Variants in SLC47A1 observed in about 807,000 individuals in gnomAD.
SLC47A1 encodes the protein multidrug and toxin extrusion protein 1.
A neutral mutation model predicts 65.8 loss-of-function variants in SLC47A1; 58 were observed. The ratio of observed to expected loss-of-function variants is 0.88; its 90% confidence interval spans 0.71 to 1.10. SLC47A1 has a LOEUF of 1.10. Ranked by LOEUF, SLC47A1 falls within the 50% of genes least tolerant of loss-of-function variation. SLC47A1 has a pLI of 0.00. For missense variants in SLC47A1, 706 were observed against 719.2 expected, an observed-to-expected ratio of 0.98 and a Z score of 0.21; for synonymous variants, 285 against 295.0, an observed-to-expected ratio of 0.97 and a Z score of 0.35.
chr17:19,576,351 CTTTTTT>C (rs199805601), intron 16 of SLC47A1, among the ~76,000 whole-genome samples: 1 of 123,360 alleles, frequency 8.1e-6, no homozygotes, highest in Non-Finnish European at 1.7e-5. Context: ...TTCTTCCTTC[CTTTTTT>C]TTTTTTTTTT....
chr17:19,570,132 A>C (rs1005168899), intron 14 of SLC47A1, among the ~76,000 whole-genome samples: 17 of 152,210 alleles, frequency 1.1e-4, no homozygotes, highest in African/African-American at 3.9e-4. Context: ...ACAAACAAAC[A>C]AAAGGGCAGG....
rs749061764 is a variant in SLC47A1 at position 19,555,839 on chromosome 17, C to T, written c.783C>T (p.Arg261=). 24 of 1,613,676 alleles carry T rather than the reference C, an allele frequency of 1.5e-5. No homozygotes were observed. Among genetic ancestry groups the T allele is most frequent in the East Asian group, 2.2e-5 (1 of 44,874 alleles). The change falls in exon 9 of 17, where the codon CGC becomes CGT. Residue 261 remains arginine, a synonymous_variant. Coordinates refer to ENST00000270570, the MANE Select transcript of SLC47A1 (RefSeq NM_018242.3). ...TGCAGGACTGGGCCTCCTTCCTCCG[C>T]CTGGCCATCCCCAGCATGCTCATGC... is the stretch of plus-strand genomic sequence containing the variant. ...ECLQDWASFL[R]LAIPSMLMLC...
chr17:19,566,326 A>G (rs1437550152), intron 12 of SLC47A1, among the ~76,000 whole-genome samples: 1 of 152,238 alleles, frequency 6.6e-6, no homozygotes, highest in Non-Finnish European at 1.5e-5. Flanking sequence ...GCTGTGAGAT[A>G]CAACATGCAG....
At position 19,552,987 on chromosome 17, in the gene SLC47A1, T is replaced by G. The variant is rs553645510; in HGVS notation, c.543+1519T>G. On this transcript the variant is annotated intron_variant, in intron 6 of 16. Transcript: ENST00000270570. ...AACAAATAATGGTGAAGGTCTGTGA[T>G]GAAGAGTTTGCGTTGTGGGAGCAGT... is the stretch of plus-strand genomic sequence containing the variant. 2.0e-5 allele frequency among the ~76,000 whole-genome samples: 3 copies of G among 152,148 alleles called. No homozygotes were observed. In the East Asian group the frequency reaches 5.8e-4, roughly 30 times the overall value.
Position 19,534,044 on chromosome 17 carries a change from G to T in SLC47A1, c.105G>T (p.Leu35=), listed in dbSNP as rs1305248006. The change falls in exon 1 of 17, where the codon CTG becomes CTT. Residue 35 remains leucine (L), a synonymous_variant. Coordinates refer to ENST00000270570, the MANE Select transcript of SLC47A1 (RefSeq NM_018242.3). ...CLRLSAFREE[L]RALLVLAGPA... ...GGCTGTCCGCCTTCCGAGAAGAGCTGCGGGCGCTCTTGGTCCTGGCTGGCC... is the reference window on the plus strand; with the variant it reads ...GGCTGTCCGCCTTCCGAGAAGAGCTTCGGGCGCTCTTGGTCCTGGCTGGCC... 1.9e-6 allele frequency: 3 copies of T among 1,547,890 alleles called. No individual in the cohort carries two copies. The highest frequency in any genetic ancestry group is 2.6e-6 in the Non-Finnish European group (3 of 1,147,750).
rs2084456349 is a variant in SLC47A1, at chr17:19,578,311, T to G, written c.*758T>G. On this transcript the variant is annotated 3_prime_UTR_variant, in exon 17 of 17. Coordinates refer to ENST00000270570, the MANE Select transcript of SLC47A1 (RefSeq NM_018242.3). ...GCCTCAACCTCCTGGGCTCAAGTGA[T>G]CCTCCCACCTCAGCCTCCTGAGTAG... The G allele has an allele frequency of 3.7e-6, 1 of 269,984 alleles. No homozygotes were observed. Among genetic ancestry groups the G allele is most frequent in the Non-Finnish European group, 7.4e-6 (1 of 135,674 alleles). 16.7% of individuals were successfully genotyped at this position (269,984 alleles called of 1,614,324 possible).
At chr17:19,548,948 G>A (rs569548652) in intron 4 of SLC47A1, among the ~76,000 whole-genome samples, 10 of 152,238 alleles carry the variant, frequency 6.6e-5, no homozygotes, top group South Asian at 4.1e-4. Context: ...CCCAGGAGAC[G>A]TTTGACAATG....
In SLC47A1 at chr17:19,555,910, G is replaced by T; in HGVS notation, c.853+1G>T. 1.2e-6 allele frequency: 2 copies of T among 1,614,004 alleles called. No homozygotes were observed. Among genetic ancestry groups the T allele is most frequent in the Non-Finnish European group, 1.7e-6 (2 of 1,179,938 alleles). On this transcript the variant is annotated splice_donor_variant, in intron 9 of 16. Transcript: ENST00000270570. LOFTEE classifies it high-confidence loss of function. ...TATGAGGTCGGGAGCTTCCTCAGTG[G>T]TCTGTATGAGGATGGATGACGGGGA...
rs754347087 is a variant in SLC47A1 at position 19,560,473 on chromosome 17, G to A, written c.1086G>A (p.Gly362=). Residue 362 remains glycine (G), a synonymous_variant, in exon 12 of 17, where the codon GGG becomes GGA. Coordinates refer to ENST00000270570, the MANE Select transcript of SLC47A1 (RefSeq NM_018242.3). ...VLLLSCKDHV[G]YIFTTDRDII... ...TGTTAAGCTGTAAGGATCACGTGGG[G>A]TACATTTTTACTACCGACCGGTGAG... The A allele has an allele frequency of 1.2e-6, 2 of 1,614,148 alleles. No homozygotes were observed. The highest frequency in any genetic ancestry group is 1.7e-5 in the Admixed American group (1 of 60,014).
intron 15 of SLC47A1, among the ~76,000 whole-genome samples, chr17:19,572,368 G>A (rs1440822383): frequency 6.6e-6 from 1 of 151,956 alleles, no homozygotes; most frequent in African/African-American, 2.4e-5. Flanking sequence ...ATCACATCTC[G>A]CTGGAGTCTC....
chr17:19,549,504 A>G (rs1284391895), intron 4 of SLC47A1, 131 bp from the exon 5 acceptor site: 1 of 962,288 alleles, frequency 1.0e-6, no homozygotes, highest in Non-Finnish European at 1.6e-6. Context: ...TGCTCCAGCA[A>G]CTTAAGCCCA....
chr17:19,577,819 C>G lies in SLC47A1; in HGVS notation c.*266C>G. ...CAAGCAAGGATCAATGTGCTGACTG[C>G]ATTGGCCAATGGCTTTGATACTTCT... On this transcript the variant is annotated 3_prime_UTR_variant, in exon 17 of 17. Coordinates refer to ENST00000270570, the MANE Select transcript of SLC47A1 (RefSeq NM_018242.3). The G allele has an allele frequency of 6.8e-6, 9 of 1,321,496 alleles. No individual in the cohort carries two copies. Among genetic ancestry groups the G allele is most frequent in the Non-Finnish European group, 8.7e-6 (9 of 1,031,056 alleles). The allele number at this position is 1,321,496 out of a possible 1,614,324, so 81.9% of individuals were successfully genotyped here. A position where few individuals can be genotyped will look rare whatever the true frequency, so the allele number is the denominator to read the frequency against.
intron 1 of SLC47A1, among the ~76,000 whole-genome samples, chr17:19,540,585 T>C (rs1916116386): frequency 6.6e-6 from 1 of 152,208 alleles, no homozygotes; most frequent in Non-Finnish European, 1.5e-5. Context: ...ATTACAGGCC[T>C]ACTGGGCATC....
In SLC47A1 at chr17:19,571,516, G is replaced by T. The variant is rs1321001819; in HGVS notation, c.1348G>T (p.Ala450Ser). The T allele has an allele frequency of 2.5e-6, 4 of 1,614,034 alleles. No individual in the cohort carries two copies. Among genetic ancestry groups the T allele is most frequent in the Non-Finnish European group, 3.4e-6 (4 of 1,179,968 alleles). The part of the protein sequence containing the change: ...SGIIICTVFQ[A>S]VCFLGFIIQL... Reference sequence around the variant, plus strand: ...GATCATCATCTGTACAGTCTTTCAAGCTGTGTGTTTTCTAGGCTTTATTAT... The same window carrying T: ...GATCATCATCTGTACAGTCTTTCAATCTGTGTGTTTTCTAGGCTTTATTAT... The change falls in exon 15 of 17, where the codon GCT becomes TCT. Residue 450 changes from alanine (A) to serine (S), a missense_variant. Ala to Ser is a moderately conservative substitution (Grantham distance 99, BLOSUM62 1). Coordinates refer to ENST00000270570, the MANE Select transcript of SLC47A1 (RefSeq NM_018242.3).
Position 19,557,470 on chromosome 17 carries a change from T to C in SLC47A1, c.921+1408T>C, listed in dbSNP as rs552645552. The C allele has an allele frequency of 2.9e-4, 117 of 407,026 alleles. 1 individual carries two copies. The highest frequency in any genetic ancestry group is 2.1e-3 in the South Asian group (115 of 54,592). The allele number at this position is 407,026 out of a possible 1,614,324, so 25.2% of individuals were successfully genotyped here. A position where few individuals can be genotyped will look rare whatever the true frequency, so the allele number is the denominator to read the frequency against. ...ATGGTTGAATAGTTTATTTCCAATG[T>C]TTCAATATTAACAACTCTTCAAGGA... is the stretch of plus-strand genomic sequence containing the variant. On this transcript the variant is annotated intron_variant, in intron 10 of 16. Coordinates refer to ENST00000270570, the MANE Select transcript of SLC47A1 (RefSeq NM_018242.3).
chr17:19,551,675 T>A (rs537296959), intron 6 of SLC47A1, among the ~76,000 whole-genome samples: 1 of 152,166 alleles, frequency 6.6e-6, no homozygotes, highest in East Asian at 1.9e-4. Flanking sequence ...AAAGAACATA[T>A]TATATTTGGC....
chr17:19,556,169 A>C, intron 10 of SLC47A1, 107 bp downstream of exon 10: 2 of 1,307,928 alleles, frequency 1.5e-6, no homozygotes, highest in Non-Finnish European at 2.2e-6. Context: ...CATTTGTGAA[A>C]TGATGGACAA....
At chr17:19,540,100 C>T (rs1482299072) in intron 1 of SLC47A1, among the ~76,000 whole-genome samples, 6 of 152,226 alleles carry the variant, frequency 3.9e-5, no homozygotes, top group African/African-American at 1.4e-4. Context: ...ATTAGTCTAA[C>T]TCAGCTCGAC....
chr17:19,551,661 A>G (rs1285663688), intron 6 of SLC47A1, among the ~76,000 whole-genome samples, 193 bp downstream of exon 6: 1 of 152,188 alleles, frequency 6.6e-6, no homozygotes, highest in Non-Finnish European at 1.5e-5. Flanking sequence ...AAGTGATGTC[A>G]AGGAAAGAAC....
Sources: allele counts gnomAD v4.1 joint callset (sites outside exome capture counted in the v4.1 genomes callset), GRCh38; gene constraint gnomAD v4.1.1; transcripts MANE v1.5; gene names NCBI Gene and HGNC (gene_info 2026-07-23, HGNC 2026-07-21).